The following COBL variants were observed in gnomAD, a reference collection of about 807,000 sequenced individuals.
COBL encodes the protein cordon-bleu WH2 repeat protein, also known as protein cordon-bleu.
In COBL, 51 loss-of-function variants were observed where a neutral mutation model predicts 98.8. That is an observed-to-expected ratio of 0.52 (90% CI 0.41 to 0.65). COBL has a LOEUF of 0.65. COBL is among the 30% of genes least tolerant of loss of function. The probability of loss-of-function intolerance (pLI) is 0.00; values close to 1 mark genes in which losing one functional copy is unlikely to be tolerated. For missense variants in COBL, 1,617 were observed against 1,617.5 expected (o/e 1.00, Z 0.01); for synonymous variants, 634 against 651.7 (o/e 0.97, Z 0.41).
intron 5 of COBL, among the ~76,000 whole-genome samples, chr7:51,153,712 C>T (rs1483188555): frequency 6.6e-6 from 1 of 152,208 alleles, no homozygotes; most frequent in African/African-American, 2.4e-5. Context: ...ATGGAAGCTG[C>T]TGTGGTAAGG....
chr7:51,050,130 T>C (rs1180270980), intron 7 of COBL, among the ~76,000 whole-genome samples: 6 of 152,096 alleles, frequency 3.9e-5, no homozygotes, highest in Non-Finnish European at 5.9e-5. Context: ...CACTACTATA[T>C]ACACACACAC....
At chr7:51,128,037 T>C (rs1295103239) in intron 6 of COBL, among the ~76,000 whole-genome samples, 2 of 152,202 alleles carry the variant, frequency 1.3e-5, no homozygotes, top group Non-Finnish European at 2.9e-5. Context: ...GTGTATATGA[T>C]CTGAAGTATG....
chr7:51,038,823 CCAGA>C (rs1045745265), intron 8 of COBL, among the ~76,000 whole-genome samples: 5 of 152,330 alleles, frequency 3.3e-5, no homozygotes, highest in South Asian at 4.1e-4. Context: ...GCCTTGCCAG[CCAGA>C]CAGAGGGTGA....
At chr7:51,098,564 A>C (rs945075733) in intron 6 of COBL, among the ~76,000 whole-genome samples, 2 of 152,208 alleles carry the variant, frequency 1.3e-5, no homozygotes, top group African/African-American at 2.4e-5. Flanking sequence ...ATTCAAATAC[A>C]AAAGAATGAA....
chr7:51,136,249 G>C lies in COBL; in HGVS notation c.866C>G (p.Ser289Ter). Residue 289 changes from serine (S) to a stop codon, truncating the protein, a stop_gained, in exon 6 of 13, where the codon TCA becomes TGA. Transcript: ENST00000265136. LOFTEE classifies it high-confidence loss of function. The part of the protein sequence containing the change: ...LGPSLSLGSI[S>*]GVSVKSEMKK... ...CATCTCCGACTTCACGGACACCCCT[G>C]AGATGCTGCCCAGCGAGAGGGATGG... 1 of 1,614,032 alleles carries C rather than the reference G, an allele frequency of 6.2e-7. No homozygotes were observed. The highest frequency in any genetic ancestry group is 8.5e-7 in the Non-Finnish European group (1 of 1,180,042).
chr7:51,048,331 T>G (rs1425150093), intron 7 of COBL, among the ~76,000 whole-genome samples: 2 of 152,206 alleles, frequency 1.3e-5, no homozygotes, highest in South Asian at 4.1e-4. Flanking sequence ...TAAATACTAA[T>G]ATTTTACAAT....
rs762708754 is a variant in COBL, at chr7:51,028,156, C to A, written c.2940G>T (p.Gln980His). The change falls in exon 10 of 13, where the codon CAG (glutamine) becomes CAT (histidine). Residue 980 changes from glutamine (Q) to histidine (H), a missense_variant. By Grantham distance (24) the Gln-to-His change is conservative. Around this residue, in one of 3 missense-constraint regions of COBL, gnomAD observed 1,304 missense variants for 1,282.0 expected, o/e 1.02. Transcript: ENST00000265136. Reference sequence around the variant, plus strand: ...CAGAAACACGATCCCTCTGGGAAGACTGAACCAGTGAGAAACAGGAGCTTC... The same window carrying A: ...CAGAAACACGATCCCTCTGGGAAGAATGAACCAGTGAGAAACAGGAGCTTC... ...IHRSSCFSLVQSSQRDRVSVG... is the reference protein window; with the variant it reads ...IHRSSCFSLVHSSQRDRVSVG... 6.2e-7 allele frequency: 1 copy of A among 1,614,278 alleles called. No individual in the cohort carries two copies. Among genetic ancestry groups the A allele is most frequent in the African/African-American group, 1.3e-5 (1 of 75,076 alleles).
At chr7:51,248,125 CA>C (rs1171003941) in intron 1 of COBL, among the ~76,000 whole-genome samples, 1 of 152,130 alleles carries the variant, frequency 6.6e-6, no homozygotes, top group Non-Finnish European at 1.5e-5. Context: ...GGCGACAGAG[CA>C]AAACAGGCTT....
intron 6 of COBL, among the ~76,000 whole-genome samples, chr7:51,133,498 T>C (rs910857799): frequency 2.6e-5 from 4 of 152,138 alleles, no homozygotes; most frequent in African/African-American, 9.7e-5. Flanking sequence ...GCACTTAAGA[T>C]GCAAATGTTC....
At chr7:51,259,274 G>A (rs1360160860) in intron 1 of COBL, among the ~76,000 whole-genome samples, 2 of 144,240 alleles carry the variant, frequency 1.4e-5, no homozygotes, top group African/African-American at 5.3e-5. Context: ...GGAACAGAGT[G>A]AGACTCCAGC....
chr7:51,090,318 T>C (rs931712165), intron 6 of COBL, among the ~76,000 whole-genome samples: 7 of 152,312 alleles, frequency 4.6e-5, no homozygotes, highest in African/African-American at 1.2e-4. Flanking sequence ...CACAGGACCA[T>C]AGGCAAGCTT....
chr7:51,294,181 C>T (rs937873915), intron 1 of COBL, among the ~76,000 whole-genome samples: 10 of 151,478 alleles, frequency 6.6e-5, no homozygotes, highest in Non-Finnish European at 1.0e-4. Flanking sequence ...GTCCCAGCTA[C>T]TCAGGAGGCT....
At chr7:51,030,785 C>G in intron 9 of COBL, 27 bp downstream of exon 9, 8 of 1,423,698 alleles carry the variant, frequency 5.6e-6, no homozygotes, top group Non-Finnish European at 7.9e-6. Flanking sequence ...AGCATAATAT[C>G]AGAGTAGCGG....
intron 6 of COBL, among the ~76,000 whole-genome samples, chr7:51,121,024 A>G (rs1208736994): frequency 2.0e-5 from 3 of 152,054 alleles, no homozygotes; most frequent in African/African-American, 7.2e-5. Context: ...ATTATTTTGG[A>G]TATATGCCCG....
At chr7:51,136,023 T>C in intron 6 of COBL, 135 bp downstream of exon 6, 1 of 1,165,350 alleles carries the variant, frequency 8.6e-7, no homozygotes, top group South Asian at 1.6e-5. Context: ...TAAATAAAGC[T>C]TAAATACTTG....
intron 1 of COBL, among the ~76,000 whole-genome samples, chr7:51,280,966 A>C (rs1799773036): frequency 6.6e-6 from 1 of 152,240 alleles, no homozygotes; most frequent in Non-Finnish European, 1.5e-5. Context: ...AATAAGAGCC[A>C]GAGTACCATA....
chr7:51,138,645 T>C (rs868715452), intron 5 of COBL, among the ~76,000 whole-genome samples: 1 of 152,226 alleles, frequency 6.6e-6, no homozygotes, highest in African/African-American at 2.4e-5. Flanking sequence ...TGACAGTGAC[T>C]GCACATGCAC....
chr7:51,074,809 G>C (rs1276901651), intron 7 of COBL, among the ~76,000 whole-genome samples: 1 of 152,120 alleles, frequency 6.6e-6, no homozygotes, highest in African/African-American at 2.4e-5. Flanking sequence ...TTAGTAACCA[G>C]CTCTTTGGAG....
At chr7:51,077,442 C>T (rs1278733136) in intron 7 of COBL, among the ~76,000 whole-genome samples, 1 of 152,208 alleles carries the variant, frequency 6.6e-6, no homozygotes, top group Non-Finnish European at 1.5e-5. Flanking sequence ...GCCAGGAAGA[C>T]ATGGACAGCC....
Sources: gnomAD v4.1 joint callset for allele counts (sites outside exome capture counted in the v4.1 genomes callset) on GRCh38, gnomAD v4.1.1 for gene constraint, gnomAD v4.1.1 regional missense constraint, MANE v1.5 for transcripts, NCBI Gene and HGNC (gene_info 2026-07-23, HGNC 2026-07-21) for gene names.